The following ROCK1 variants were observed in gnomAD, a reference collection of about 807,000 sequenced individuals.
The protein encoded by ROCK1 is rho-associated protein kinase 1.
A neutral mutation model predicts 196.8 loss-of-function variants in ROCK1; 36 were observed. The observed-to-expected ratio is 0.18, with a 90% CI of 0.14 to 0.24. The LOEUF (loss-of-function observed/expected upper bound fraction) is 0.24. ROCK1 is among the 10% of genes least tolerant of loss of function. ROCK1 has a pLI of 1.00. For missense variants in ROCK1, 920 were observed against 1,562.0 expected, an observed-to-expected ratio of 0.59 and a Z score of 6.93; for synonymous variants, 443 against 515.9, an observed-to-expected ratio of 0.86 and a Z score of 1.91.
intron 2 of ROCK1, among the ~76,000 whole-genome samples, chr18:21,061,080 ATT>A (rs772672441): frequency 6.4e-5 from 9 of 140,416 alleles, no homozygotes; most frequent in Admixed American, 7.2e-5. Context: ...AAATGCTTTT[ATT>A]TTTTTTTTTT....
intron 1 of ROCK1, among the ~76,000 whole-genome samples, chr18:21,104,887 TAATA>T (rs2036690658): frequency 2.6e-5 from 4 of 152,206 alleles, no homozygotes; most frequent in Admixed American, 2.6e-4. Flanking sequence ...TTGAATCTAT[TAATA>T]AATGTCTCAA....
intron 2 of ROCK1, among the ~76,000 whole-genome samples, chr18:21,059,854 A>G (rs994573798): frequency 6.6e-6 from 1 of 152,258 alleles, no homozygotes. Context: ...ATTACTGGCA[A>G]TTAAAAATGA....
intron 10 of ROCK1, among the ~76,000 whole-genome samples, chr18:21,027,041 C>T (rs1450328959): frequency 1.3e-5 from 2 of 151,098 alleles, no homozygotes; most frequent in African/African-American, 2.4e-5. Context: ...CAGGTTGAAG[C>T]GATTCTCCTG....
intron 25 of ROCK1, chr18:20,968,516 G>C: frequency 8.6e-6 from 3 of 347,816 alleles, no homozygotes; most frequent in Non-Finnish European, 1.5e-5. Flanking sequence ...ATGTCAGCCA[G>C]GCTGCTCTCG....
At chr18:21,109,538 A>G (rs1211021474) in intron 1 of ROCK1, among the ~76,000 whole-genome samples, 2 of 152,236 alleles carry the variant, frequency 1.3e-5, no homozygotes, top group African/African-American at 4.8e-5. Flanking sequence ...AAAATGTTTT[A>G]AAATCTATTA....
chr18:20,975,244 G>C (rs1359379051), intron 22 of ROCK1, among the ~76,000 whole-genome samples: 1 of 152,198 alleles, frequency 6.6e-6, no homozygotes, highest in African/African-American at 2.4e-5. Flanking sequence ...AATTTAAAAA[G>C]CATATTCAGG....
intron 10 of ROCK1, among the ~76,000 whole-genome samples, chr18:21,025,429 T>C (rs1257875161): frequency 6.6e-6 from 1 of 152,158 alleles, no homozygotes; most frequent in East Asian, 1.9e-4. Context: ...CTAATCAATA[T>C]TTTGCCAGGG....
At position 20,975,659 on chromosome 18, in the gene ROCK1, G is replaced by T. The variant is rs187143886; in HGVS notation, c.2654+4251C>A. ...ACAGTCTCACTCTGTTGCCCAGGAT[G>T]GAGTGCCGTGGCACCATCTAGGCTC... On this transcript the variant is annotated intron_variant, in intron 22 of 32. Transcript: ENST00000399799. 1.1e-3 allele frequency among the ~76,000 whole-genome samples: 166 copies of T among 152,084 alleles called. 2 individuals carry two copies. Among genetic ancestry groups the T allele is most frequent in the Admixed American group, 9.1e-3 (139 of 15,274 alleles).
chr18:21,075,473 G>A (rs1467828332), intron 1 of ROCK1, among the ~76,000 whole-genome samples: 1 of 152,200 alleles, frequency 6.6e-6, no homozygotes, highest in East Asian at 1.9e-4. Context: ...ATCATTTCAT[G>A]AATAACTAGA....
intron 1 of ROCK1, among the ~76,000 whole-genome samples, chr18:21,109,960 A>C (rs1598566770): frequency 1.3e-5 from 2 of 152,270 alleles, no homozygotes; most frequent in East Asian, 3.9e-4. Context: ...GTTTGGACCA[A>C]GAAATATTAT....
intron 1 of ROCK1, among the ~76,000 whole-genome samples, chr18:21,093,313 G>T (rs2036586634): frequency 6.6e-6 from 1 of 152,076 alleles, no homozygotes; most frequent in African/African-American, 2.4e-5. Context: ...AAACCTTTGG[G>T]GCCAGGCCAA....
chr18:21,111,067 G>C lies in ROCK1; in HGVS notation c.-157C>G. The C allele has an allele frequency of 1.6e-6, 1 of 628,768 alleles. No individual in the cohort carries two copies. Among genetic ancestry groups the C allele is most frequent in the African/African-American group, 1.8e-5 (1 of 54,586 alleles). The allele number at this position is 628,768 out of a possible 1,614,324, so 38.9% of individuals were successfully genotyped here. ...GTTCCCCCGTCTTCCCCTCACTGAG[G>C]GGACCTCCGCTCTCCAGACCCCGGG... is the stretch of plus-strand genomic sequence containing the variant. On this transcript the variant is annotated 5_prime_UTR_variant, in exon 1 of 33. Coordinates refer to ENST00000399799, the MANE Select transcript of ROCK1 (RefSeq NM_005406.3). This position sits in a 1 kb window ranked among gnomAD's most constrained non-coding sequence, Gnocchi z 4.2.
intron 22 of ROCK1, among the ~76,000 whole-genome samples, chr18:20,977,745 T>C (rs547106562): frequency 2.6e-5 from 4 of 152,244 alleles, no homozygotes; most frequent in Non-Finnish European, 5.9e-5. Context: ...TCACTTTCTC[T>C]TTCTGTTCCT....
chr18:21,014,259 C>T (rs894021700), intron 13 of ROCK1, among the ~76,000 whole-genome samples: 5 of 152,072 alleles, frequency 3.3e-5, no homozygotes, highest in Non-Finnish European at 7.4e-5. Flanking sequence ...TCCGGCACCC[C>T]GTCTAGGATA....
intron 9 of ROCK1, among the ~76,000 whole-genome samples, chr18:21,030,997 G>A (rs2036001382): frequency 6.6e-6 from 1 of 152,144 alleles, no homozygotes; most frequent in Non-Finnish European, 1.5e-5. Context: ...TGGCATTTAA[G>A]GAAATCTCTG....
intron 1 of ROCK1, among the ~76,000 whole-genome samples, chr18:21,106,103 A>G (rs1401501254): frequency 6.6e-6 from 1 of 152,178 alleles, no homozygotes; most frequent in East Asian, 1.9e-4. Flanking sequence ...AACAGGCACT[A>G]TTTGACTAAT....
chr18:20,955,964 A>G (rs1344547596), intron 29 of ROCK1, among the ~76,000 whole-genome samples: 1 of 152,226 alleles, frequency 6.6e-6, no homozygotes, highest in African/African-American at 2.4e-5. Flanking sequence ...CCTTTTGACT[A>G]CAAAAGGAGT....
At chr18:21,106,807 T>C (rs2036706903) in intron 1 of ROCK1, among the ~76,000 whole-genome samples, 1 of 152,190 alleles carries the variant, frequency 6.6e-6, no homozygotes, top group South Asian at 2.1e-4. Flanking sequence ...TTATACATGA[T>C]ATGAAGATTG....
intron 9 of ROCK1, among the ~76,000 whole-genome samples, chr18:21,030,793 C>A (rs900986076): frequency 1.3e-5 from 2 of 152,024 alleles, no homozygotes; most frequent in African/African-American, 4.8e-5. Flanking sequence ...ATTTAGAAAT[C>A]ATGTTCCATA....
Sources: gnomAD v4.1 joint callset for allele counts (sites outside exome capture counted in the v4.1 genomes callset) on GRCh38, gnomAD v4.1.1 for gene constraint, Gnocchi (gnomAD v3.1) non-coding constraint, MANE v1.5 for transcripts, NCBI Gene and HGNC (gene_info 2026-07-23, HGNC 2026-07-21) for gene names.